MCOLN2: variants seen among roughly 807,000 people sequenced by gnomAD.
MCOLN2 encodes the protein mucolipin-2.
MCOLN2 carries 57 observed loss-of-function variants against 67.5 expected under a neutral mutation model. That is an observed-to-expected ratio of 0.84 (90% CI 0.68 to 1.05). The LOEUF (loss-of-function observed/expected upper bound fraction) is 1.05. Among genes scored for constraint, MCOLN2 ranks in the 50% least tolerant of loss-of-function variants. The pLI is 0.00. For missense variants in MCOLN2, 620 were observed against 678.8 expected (o/e 0.91, Z 0.96); for synonymous variants, 246 against 233.3 (o/e 1.05, Z -0.50).
At chr1:84,991,458 T>C (rs999620373) in intron 1 of MCOLN2, among the ~76,000 whole-genome samples, 7 of 152,192 alleles carry the variant, frequency 4.6e-5, no homozygotes, top group Non-Finnish European at 1.0e-4. Context: ...AACTGAGGTT[T>C]TGAGGTAGCT....
chr1:84,957,161 A>G (rs1648838621), intron 3 of MCOLN2, among the ~76,000 whole-genome samples: 1 of 152,226 alleles, frequency 6.6e-6, no homozygotes, highest in Non-Finnish European at 1.5e-5. Context: ...AAAGAAAGAA[A>G]GAAAATCACA....
chr1:84,995,373 A>G (rs1462358325), intron 1 of MCOLN2, among the ~76,000 whole-genome samples: 1 of 152,252 alleles, frequency 6.6e-6, no homozygotes, highest in Non-Finnish European at 1.5e-5. Context: ...AGTGCAATAA[A>G]GCAAAGAACA....
chr1:84,948,635 C>G (rs1648242612), intron 6 of MCOLN2, among the ~76,000 whole-genome samples: 1 of 152,076 alleles, frequency 6.6e-6, no homozygotes, highest in Non-Finnish European at 1.5e-5. Context: ...AAATAATGAT[C>G]TTAAGAAAGC....
intron 1 of MCOLN2, among the ~76,000 whole-genome samples, chr1:84,983,042 G>A (rs1650336726): frequency 6.6e-6 from 1 of 151,454 alleles, no homozygotes; most frequent in South Asian, 2.1e-4. Flanking sequence ...TAATTCACAA[G>A]TATATCTTAC....
intron 6 of MCOLN2, among the ~76,000 whole-genome samples, chr1:84,951,844 A>G (rs2043883): frequency 0.093 from 14,154 of 152,196 alleles, 2,016 homozygotes; most frequent in African/African-American, 0.3. Flanking sequence ...AGGCCGAGGC[A>G]GGCAGATCAC....
intron 1 of MCOLN2, among the ~76,000 whole-genome samples, chr1:84,989,385 ATT>A (rs1316389882): frequency 3.9e-5 from 6 of 152,204 alleles, no homozygotes; most frequent in Admixed American, 6.5e-5. Flanking sequence ...GTCAAGATAC[ATT>A]AGCAAGTTGT....
rs182441175 is a variant in MCOLN2 at position 84,994,717 on chromosome 1, T to G, written c.77+2079A>C. 9.8e-4 allele frequency among the ~76,000 whole-genome samples: 149 copies of G among 152,346 alleles called. 1 individual carries two copies. The highest frequency in any genetic ancestry group is 1.8e-3 in the Non-Finnish European group (123 of 68,034). On this transcript the variant is annotated intron_variant, in intron 1 of 13. Coordinates refer to ENST00000370608, the MANE Select transcript of MCOLN2 (RefSeq NM_153259.4). ...ATCTTCTATCCAGACCACAAAAACT[T>G]TCTCCATAACAGCAATAAGGCTGTT...
intron 13 of MCOLN2, among the ~76,000 whole-genome samples, chr1:84,928,775 C>T (rs1489068684): frequency 6.6e-6 from 1 of 152,032 alleles, no homozygotes; most frequent in Non-Finnish European, 1.5e-5. Context: ...ATTGTAAGTC[C>T]CAAGATGCTG....
chr1:84,937,945 C>T, intron 10 of MCOLN2, 36 bp downstream of exon 10: 2 of 1,613,096 alleles, frequency 1.2e-6, no homozygotes, highest in Non-Finnish European at 1.7e-6. Flanking sequence ...AAATGAGTCT[C>T]AACTGCAGTG....
intron 1 of MCOLN2, among the ~76,000 whole-genome samples, chr1:84,967,108 T>A (rs1244537658): frequency 1.3e-5 from 2 of 152,208 alleles, no homozygotes; most frequent in East Asian, 3.9e-4. Context: ...TGGAGATCAG[T>A]GACTTCAAGC....
intron 1 of MCOLN2, among the ~76,000 whole-genome samples, chr1:84,987,315 T>C (rs1451626798): frequency 6.9e-6 from 1 of 145,242 alleles, no homozygotes; most frequent in South Asian, 2.1e-4. Flanking sequence ...TATACATCTA[T>C]ATGTATATAG....
At chr1:84,931,305 A>G (rs1241922115) in intron 12 of MCOLN2, 57 bp downstream of exon 12, 1 of 1,047,220 alleles carries the variant, frequency 9.5e-7, no homozygotes, top group Middle Eastern at 2.5e-4. Context: ...GTATTTTCCT[A>G]TAATCTATAT....
intron 1 of MCOLN2, among the ~76,000 whole-genome samples, chr1:84,987,977 G>C (rs1426849942): frequency 6.6e-6 from 1 of 152,048 alleles, no homozygotes; most frequent in Non-Finnish European, 1.5e-5. Flanking sequence ...CACTGCTTGG[G>C]TGATGGGTGC....
chr1:84,956,440 C>T lies in MCOLN2; in HGVS notation c.556G>A (p.Val186Ile), dbSNP rs369306344. ...SNETLNIDNDVELDCVQLDLQ... is the reference protein window; with the variant it reads ...SNETLNIDNDIELDCVQLDLQ... Reference sequence around the variant, plus strand: ...ATTATCACTGCATTACCGAGCTCAACGTCGTTGTCAATATTCAGTGTCTCA... The same window carrying T: ...ATTATCACTGCATTACCGAGCTCAATGTCGTTGTCAATATTCAGTGTCTCA... The change falls in exon 4 of 14, where the codon GTT (valine) becomes ATT (isoleucine). Residue 186 changes from valine (V) to isoleucine (I), a missense_variant. Transcript: ENST00000370608. 1.1e-5 allele frequency: 18 copies of T among 1,611,258 alleles called. No individual in the cohort carries two copies. Among genetic ancestry groups the T allele is most frequent in the African/African-American group, 6.7e-5 (5 of 74,858 alleles).
At chr1:84,939,514 G>A (rs1647624803) in intron 9 of MCOLN2, 39 bp downstream of exon 9, 1 of 1,602,020 alleles carries the variant, frequency 6.2e-7, no homozygotes, top group Non-Finnish European at 8.5e-7. Context: ...CCATCCAGGA[G>A]AAGATGAAGA....
At chr1:84,953,280 G>C (rs190754548) in intron 4 of MCOLN2, among the ~76,000 whole-genome samples, 1 of 152,122 alleles carries the variant, frequency 6.6e-6, no homozygotes, top group African/African-American at 2.4e-5. Context: ...GGCCAGGCAC[G>C]GTGGCTCACA....
At chr1:84,973,020 G>C (rs879615144) in intron 1 of MCOLN2, among the ~76,000 whole-genome samples, 1 of 152,166 alleles carries the variant, frequency 6.6e-6, no homozygotes, top group African/African-American at 2.4e-5. Context: ...CCAAAGTGGG[G>C]TCCTTGTGCA....
At chr1:84,987,482 A>G (rs1485889303) in intron 1 of MCOLN2, among the ~76,000 whole-genome samples, 1 of 17,670 alleles carries the variant, frequency 5.7e-5, no homozygotes, top group Admixed American at 1.4e-3. Flanking sequence ...ATATATATAC[A>G]TATATACATA....
At chr1:84,987,795 T>G (rs1650694879) in intron 1 of MCOLN2, among the ~76,000 whole-genome samples, 1 of 151,672 alleles carries the variant, frequency 6.6e-6, no homozygotes, top group Admixed American at 6.6e-5. Context: ...AGACCATTAT[T>G]CTAAGTGAAG....
Sources: allele counts gnomAD v4.1 joint callset (sites outside exome capture counted in the v4.1 genomes callset), GRCh38; gene constraint gnomAD v4.1.1; transcripts MANE v1.5; gene names NCBI Gene and HGNC (gene_info 2026-07-23, HGNC 2026-07-21).